Variants in PCDHA8 observed in about 807,000 individuals in gnomAD.
The protein encoded by PCDHA8 is protocadherin alpha-8.
A neutral mutation model predicts 61.8 loss-of-function variants in PCDHA8; 53 were observed. The ratio of observed to expected loss-of-function variants is 0.86; its 90% confidence interval spans 0.69 to 1.08. PCDHA8 has a LOEUF of 1.08. PCDHA8 is among the 50% of genes least tolerant of loss of function. PCDHA8 has a pLI of 0.00. For synonymous variants in PCDHA8, 618 were observed against 556.6 expected (o/e 1.11, Z -1.55); for missense variants, 1,293 against 1,245.0 (o/e 1.04, Z -0.58).
rs2150335201 is a variant in PCDHA8, at chr5:140,842,394, C to T, written c.1073C>T (p.Pro358Leu). 3.7e-6 allele frequency: 6 copies of T among 1,611,212 alleles called. No homozygotes were observed. Among genetic ancestry groups the T allele is most frequent in the Admixed American group, 3.3e-5 (2 of 60,006 alleles). ...PEIALTSLSL[P>L]VREDAQFGTV... The stretch of plus-strand genomic sequence containing the variant: ...ATAGCACTGACTTCCTTATCCTTGC[C>T]TGTACGTGAAGACGCTCAATTTGGT... Residue 358 changes from proline (P) to leucine (L), a missense_variant, in exon 1 of 4, where the codon CCT (proline) becomes CTT (leucine). By Grantham distance (98) the Pro-to-Leu change is moderately conservative. Coordinates refer to ENST00000531613, the MANE Select transcript of PCDHA8 (RefSeq NM_018911.3).
At position 140,841,844 on chromosome 5, in the gene PCDHA8, C is replaced by T; in HGVS notation, c.523C>T (p.His175Tyr). The T allele has an allele frequency of 6.2e-7, 1 of 1,613,842 alleles. No individual in the cohort carries two copies. Among genetic ancestry groups the T allele is most frequent in the Non-Finnish European group, 8.5e-7 (1 of 1,179,828 alleles). The change falls in exon 1 of 4, where the codon CAT becomes TAT. Residue 175 changes from histidine to tyrosine, a missense_variant. Coordinates refer to ENST00000531613, the MANE Select transcript of PCDHA8 (RefSeq NM_018911.3). The part of the protein sequence containing the change: ...NSVLTYRLSS[H>Y]DYFMLDVNSK... ...CGTGTTAACCTACAGGCTTAGCTCT[C>T]ATGATTACTTCATGCTAGATGTGAA...
intron 1 of PCDHA8, chr5:140,866,572 G>A (rs1184209628): frequency 1.3e-5 from 2 of 152,168 alleles, no homozygotes; most frequent in Non-Finnish European, 2.9e-5. Context: ...TGTTAATACA[G>A]TGGTTGGATA....
Position 140,855,945 on chromosome 5 carries a change from C to T in PCDHA8, c.2394+12230C>T, listed in dbSNP as rs187469272. On this transcript the variant is annotated intron_variant, in intron 1 of 3. Transcript: ENST00000531613. ...AGTAGCGTCATTCTGAGATCTCAGC[C>T]ATTTCGATAAAAAATAGATATAAGA... 8 of 1,336,226 alleles carry T rather than the reference C, an allele frequency of 6.0e-6. No individual in the cohort carries two copies. In the Admixed American group the frequency reaches 1.2e-4, roughly 20 times the overall value. 82.8% of individuals were successfully genotyped at this position (1,336,226 alleles called of 1,614,324 possible). A position where few individuals can be genotyped will look rare whatever the true frequency, so the allele number is the denominator to read the frequency against.
intron 1 of PCDHA8, among the ~76,000 whole-genome samples, chr5:140,897,340 C>A (rs1326802877): frequency 8.1e-6 from 1 of 122,842 alleles, no homozygotes; most frequent in African/African-American, 3.1e-5. Context: ...CCCCTCCCCC[C>A]ACCCCACAAC....
At chr5:140,869,391 C>CG (rs2051094995) in intron 1 of PCDHA8, 1 of 1,614,020 alleles carries the variant, frequency 6.2e-7, no homozygotes, top group Non-Finnish European at 8.5e-7. Context: ...AGGAGCTGTG[C>CG]GGGCAGAGCG....
At chr5:140,851,471 A>G in intron 1 of PCDHA8, 5 of 893,550 alleles carry the variant, frequency 5.6e-6, no homozygotes, top group Non-Finnish European at 6.8e-6. Context: ...ATGTCAATAA[A>G]TGTTATAAAC....
intron 1 of PCDHA8, chr5:140,851,593 C>A (rs1200692770): frequency 1.1e-6 from 1 of 916,458 alleles, no homozygotes; most frequent in Non-Finnish European, 1.3e-6. Context: ...TTTTGAAATT[C>A]AGTTTACAGA....
At chr5:140,884,585 A>C in intron 1 of PCDHA8, 2 of 1,614,190 alleles carry the variant, frequency 1.2e-6, no homozygotes, top group Non-Finnish European at 1.7e-6. Context: ...CATGGCCTTC[A>C]GTCCCAGCCT....
chr5:140,952,338 CAAA>C (rs55931446), intron 1 of PCDHA8, among the ~76,000 whole-genome samples: 80,539 of 134,836 alleles, frequency 0.6, 22,945 homozygotes, highest in African/African-American at 0.71. Context: ...AACTCCATCT[CAAA>C]AAAAAAAAAA....
At chr5:140,909,772 A>T (rs2074681843) in intron 1 of PCDHA8, among the ~76,000 whole-genome samples, 1 of 152,166 alleles carries the variant, frequency 6.6e-6, no homozygotes, top group Non-Finnish European at 1.5e-5. Context: ...CCAGGGACCC[A>T]CTGGACCCAC....
At position 140,923,318 on chromosome 5, in the gene PCDHA8, A is replaced by G. The variant is rs189105018; in HGVS notation, c.2395-55631A>G. Among the ~76,000 whole-genome samples the G allele has an allele frequency of 8.1e-3, 1,226 of 152,276 alleles. 6 individuals are homozygous for G. The highest frequency in any genetic ancestry group is 0.019 in the African/African-American group (794 of 41,558). On this transcript the variant is annotated intron_variant, in intron 1 of 3. Transcript: ENST00000531613. ...CTGGGCGTGGGGGCGCTTGGCCTAG[A>G]AGTTCAAGGACAGTTTGGGCAACAT...
At chr5:140,968,027 C>G in intron 1 of PCDHA8, 2 of 1,614,200 alleles carry the variant, frequency 1.2e-6, no homozygotes, top group Middle Eastern at 1.6e-4. Flanking sequence ...CTCCTATACA[C>G]TGGTGGTGAG....
At chr5:140,971,642 A>T (rs1586490477) in intron 1 of PCDHA8, among the ~76,000 whole-genome samples, 1 of 152,330 alleles carries the variant, frequency 6.6e-6, no homozygotes. Context: ...ATGTGCCTAC[A>T]TTAAAAGTAG....
chr5:140,883,970 C>A (rs1554180846), intron 1 of PCDHA8: 1 of 1,612,990 alleles, frequency 6.2e-7, no homozygotes, highest in South Asian at 1.1e-5. Context: ...GCTGCTGACG[C>A]CCGGGGCTGG....
intron 1 of PCDHA8, chr5:140,967,146 AC>A: frequency 6.2e-7 from 1 of 1,610,972 alleles, no homozygotes; most frequent in Non-Finnish European, 8.5e-7. Context: ...CTGGCGCACA[AC>A]CCCGTGGCGG....
chr5:140,843,065 C>G lies in PCDHA8; in HGVS notation c.1744C>G (p.Pro582Ala). ...GTGGAASKLV[P>A]RSVGAGHVVA... ...TGGTGGCGCAGCGAGCAAGCTGGTG[C>G]CGCGGTCTGTGGGCGCGGGCCACGT... is the stretch of plus-strand genomic sequence containing the variant. The change falls in exon 1 of 4, where the codon CCG (proline) becomes GCG (alanine). Residue 582 changes from proline (P) to alanine (A), a missense_variant. Coordinates refer to ENST00000531613, the MANE Select transcript of PCDHA8 (RefSeq NM_018911.3). The G allele has an allele frequency of 6.3e-7, 1 of 1,595,232 alleles. No homozygotes were observed. The highest frequency in any genetic ancestry group is 8.6e-7 in the Non-Finnish European group (1 of 1,165,280).
rs188796483 is a variant in PCDHA8 at position 140,869,402 on chromosome 5, C to T, written c.2394+25687C>T. On this transcript the variant is annotated intron_variant, in intron 1 of 3. Transcript: ENST00000531613. The stretch of plus-strand genomic sequence containing the variant: ...CGCGAGGAGCTGTGCGGGCAGAGCG[C>T]GGAGTGCAGCATCCACCTGGAGGTG... 9.6e-4 allele frequency: 1,554 copies of T among 1,614,178 alleles called. 9 individuals are homozygous for T. The highest frequency in any genetic ancestry group is 2.2e-4 in the Non-Finnish European group (262 of 1,180,040).
chr5:140,938,268 T>C (rs2091998417), intron 1 of PCDHA8, among the ~76,000 whole-genome samples: 1 of 152,190 alleles, frequency 6.6e-6, no homozygotes, highest in Non-Finnish European at 1.5e-5. Context: ...TCTAATCACA[T>C]AGTTTTCTTG....
chr5:140,898,206 T>G (rs1554187858), intron 1 of PCDHA8, among the ~76,000 whole-genome samples: 2 of 152,214 alleles, frequency 1.3e-5, no homozygotes. Context: ...AGATCCCATT[T>G]GTCAATTTTG....
Sources: allele counts gnomAD v4.1 joint callset (sites outside exome capture counted in the v4.1 genomes callset), GRCh38; gene constraint gnomAD v4.1.1; transcripts MANE v1.5; gene names NCBI Gene and HGNC (gene_info 2026-07-23, HGNC 2026-07-21).